MAGI2: variants seen among roughly 807,000 people sequenced by gnomAD.
MAGI2 encodes the protein membrane-associated guanylate kinase, WW and PDZ domain-containing protein 2.
A neutral mutation model predicts 133.3 loss-of-function variants in MAGI2; 35 were observed. The ratio of observed to expected loss-of-function variants is 0.26; its 90% CI spans 0.20 to 0.35. The LOEUF (loss-of-function observed/expected upper bound fraction) is 0.35, where lower values mean the gene tolerates loss of function less well. Among genes scored for constraint, MAGI2 ranks in the 10% least tolerant of loss-of-function variants. The pLI, the probability that MAGI2 is intolerant of heterozygous loss-of-function variation, is 1.00. For missense variants in MAGI2, 1,636 were observed against 1,863.4 expected, an observed-to-expected ratio of 0.88 and a Z score of 2.25; for synonymous variants, 729 against 710.6, an observed-to-expected ratio of 1.03 and a Z score of -0.41.
At chr7:78,518,811 C>T (rs1247385422) in intron 4 of MAGI2, 1 of 152,100 alleles carries the variant, frequency 6.6e-6, no homozygotes. Flanking sequence ...CGGCTCATTG[C>T]AACCTTGACC....
At chr7:79,108,111 C>T (rs1818592920) in intron 1 of MAGI2, among the ~76,000 whole-genome samples, 1 of 152,130 alleles carries the variant, frequency 6.6e-6, no homozygotes, top group Admixed American at 6.6e-5. Flanking sequence ...TGAATGACTC[C>T]TGAGATGCAA....
chr7:78,522,623 G>T (rs771662296), intron 3 of MAGI2, among the ~76,000 whole-genome samples: 2 of 152,032 alleles, frequency 1.3e-5, no homozygotes, highest in Admixed American at 6.6e-5. Context: ...CAAATGATCC[G>T]CCTGCCTCGG....
intron 1 of MAGI2, among the ~76,000 whole-genome samples, chr7:79,061,784 G>A (rs1813769621): frequency 6.6e-6 from 1 of 151,994 alleles, no homozygotes; most frequent in African/African-American, 2.4e-5. Context: ...TATCAGCCTC[G>A]GATGTCACAT....
intron 2 of MAGI2, among the ~76,000 whole-genome samples, chr7:78,739,910 G>A (rs1822232864): frequency 6.6e-6 from 1 of 152,112 alleles, no homozygotes; most frequent in African/African-American, 2.4e-5. Flanking sequence ...TGTAATCCCA[G>A]CACTTTGGGA....
At chr7:79,198,546 G>C (rs1022742464) in intron 1 of MAGI2, among the ~76,000 whole-genome samples, 1 of 151,892 alleles carries the variant, frequency 6.6e-6, no homozygotes, top group African/African-American at 2.4e-5. Context: ...GAAGATAATT[G>C]AAAAATTTTA....
intron 6 of MAGI2, among the ~76,000 whole-genome samples, chr7:78,374,731 A>T (rs1455394949): frequency 1.3e-5 from 2 of 152,106 alleles, no homozygotes; most frequent in Non-Finnish European, 2.9e-5. Context: ...GTCACACTAT[A>T]TATTAATGTG....
chr7:78,923,379 A>G (rs1183769184), intron 2 of MAGI2, among the ~76,000 whole-genome samples: 9 of 152,194 alleles, frequency 5.9e-5, no homozygotes. Flanking sequence ...TATAAGGTGT[A>G]AGGAAGGGAT....
At chr7:78,493,872 C>T (rs1793848357) in intron 5 of MAGI2, among the ~76,000 whole-genome samples, 2 of 152,144 alleles carry the variant, frequency 1.3e-5, no homozygotes, top group Non-Finnish European at 2.9e-5. Flanking sequence ...TGCATAGAGA[C>T]AAAAGAGAGC....
intron 1 of MAGI2, among the ~76,000 whole-genome samples, chr7:79,202,008 T>C (rs1828655282): frequency 6.6e-6 from 1 of 152,026 alleles, no homozygotes; most frequent in Non-Finnish European, 1.5e-5. Context: ...ATTAGTTGAA[T>C]TTGCTTTTGG....
chr7:78,605,035 T>C (rs997953279), intron 3 of MAGI2, among the ~76,000 whole-genome samples: 3 of 152,212 alleles, frequency 2.0e-5, no homozygotes, highest in Non-Finnish European at 4.4e-5. Context: ...CTCCATGGAC[T>C]TTGTATGCAT....
intron 3 of MAGI2, among the ~76,000 whole-genome samples, chr7:78,529,668 G>GTTT (rs554010061): frequency 0.037 from 2,120 of 57,234 alleles, 544 homozygotes; most frequent in Non-Finnish European, 0.044. Context: ...AAAGGAGATG[G>GTTT]TTTTTTTTTT....
At chr7:78,332,404 T>C (rs895738239) in intron 9 of MAGI2, among the ~76,000 whole-genome samples, 1 of 152,164 alleles carries the variant, frequency 6.6e-6, no homozygotes, top group Non-Finnish European at 1.5e-5. Context: ...TGTGTCATTA[T>C]AAAAGGAGAG....
intron 1 of MAGI2, among the ~76,000 whole-genome samples, chr7:79,159,203 A>G (rs972461251): frequency 7.2e-5 from 11 of 152,120 alleles, no homozygotes; most frequent in Admixed American, 2.6e-4. Flanking sequence ...AGGACAAAAC[A>G]GAAAGTCTAA....
intron 2 of MAGI2, among the ~76,000 whole-genome samples, chr7:78,861,617 C>A (rs1159921976): frequency 1.3e-5 from 2 of 152,180 alleles, no homozygotes; most frequent in African/African-American, 2.4e-5. Flanking sequence ...CTAGTGATGT[C>A]ATCTCAAGCT....
rs560121240 is a variant in MAGI2 at position 78,047,789 on chromosome 7, A to G, written c.3707-27813T>C. ...TGTCTGCCTCCCACCGTCTCTTGGG[A>G]AGACACCTTACATTCCAGTCACACT... is the stretch of plus-strand genomic sequence containing the variant. On this transcript the variant is annotated intron_variant, in intron 21 of 21. Coordinates refer to ENST00000354212, the MANE Select transcript of MAGI2 (RefSeq NM_012301.4). Among the ~76,000 whole-genome samples, 174 of 152,236 alleles carry G rather than the reference A, an allele frequency of 1.1e-3. 1 individual carries two copies. The highest frequency in any genetic ancestry group is 4.1e-3 in the African/African-American group (170 of 41,542).
intron 2 of MAGI2, among the ~76,000 whole-genome samples, chr7:78,633,219 C>T (rs1809217996): frequency 6.6e-6 from 1 of 152,124 alleles, no homozygotes. Flanking sequence ...AAGTAGGCAA[C>T]AACAGATACT....
chr7:79,175,229 CACTG>C lies in MAGI2; in HGVS notation c.302-168027_302-168024del, dbSNP rs574428881. 2.7e-3 allele frequency among the ~76,000 whole-genome samples: 416 copies of C among 151,892 alleles called. 5 individuals are homozygous for C. The highest frequency in any genetic ancestry group is 9.3e-3 in the African/African-American group (384 of 41,344). On this transcript the variant is annotated intron_variant, in intron 1 of 21. Coordinates refer to ENST00000354212, the MANE Select transcript of MAGI2 (RefSeq NM_012301.4). ...AAAGAAAAATGATTAGAAGAAAAAA[CACTG>C]ACTGATTTTCTCTGTGTTGATAGAT...
intron 2 of MAGI2, among the ~76,000 whole-genome samples, chr7:78,660,030 C>G (rs557769302): frequency 3.3e-5 from 5 of 151,658 alleles, no homozygotes; most frequent in Non-Finnish European, 5.9e-5. Flanking sequence ...GGACAAAAAA[C>G]CAAACACTGC....
chr7:78,855,211 C>A (rs1440263102), intron 2 of MAGI2, among the ~76,000 whole-genome samples: 2 of 152,050 alleles, frequency 1.3e-5, no homozygotes, highest in Non-Finnish European at 2.9e-5. Flanking sequence ...ACCTCAGCCC[C>A]AAGTAGCTGG....
Sources: allele counts gnomAD v4.1 joint callset (sites outside exome capture counted in the v4.1 genomes callset), GRCh38; gene constraint gnomAD v4.1.1; transcripts MANE v1.5; gene names NCBI Gene and HGNC (gene_info 2026-07-23, HGNC 2026-07-21).